C5orf24: variants seen among roughly 807,000 people sequenced by gnomAD.
C5orf24 encodes the protein UPF0461 protein C5orf24.
Under a neutral mutation model 9.8 loss-of-function variants are expected in C5orf24, and 4 were observed. That is an observed-to-expected ratio of 0.41 (90% confidence interval 0.20 to 0.93). The LOEUF (loss-of-function observed/expected upper bound fraction) is 0.93, where lower values mean the gene tolerates loss of function less well. Among genes scored for constraint, C5orf24 ranks in the 40% least tolerant of loss-of-function variants. The pLI is 0.33. For missense variants in C5orf24, 170 were observed against 236.9 expected, an observed-to-expected ratio of 0.72 and a Z score of 1.85; for synonymous variants, 73 against 81.3, an observed-to-expected ratio of 0.90 and a Z score of 0.55.
chr5:134,850,371 TC>T (rs1482630332), intron 1 of C5orf24, among the ~76,000 whole-genome samples: 1 of 151,980 alleles, frequency 6.6e-6, no homozygotes, highest in African/African-American at 2.4e-5. Flanking sequence ...GGTCTCAAAC[TC>T]CCGACCTCAG....
At chr5:134,834,625 A>G in the C5orf24 span, among the ~76,000 whole-genome samples, 8 of 152,100 alleles carry the variant, frequency 5.3e-5, no homozygotes, top group Admixed American at 5.2e-4. Context: ...GCTCCTGAAA[A>G]TGTGTCTGGG....
intron 1 of C5orf24, among the ~76,000 whole-genome samples, chr5:134,847,541 T>A (rs879449209): frequency 6.6e-6 from 1 of 152,122 alleles, no homozygotes; most frequent in Admixed American, 6.5e-5. Context: ...TGATCCACCC[T>A]TCTCAACCTC....
At chr5:134,854,854 TTG>T (rs1561888030) in intron 1 of C5orf24, 42 bp from the exon 2 acceptor site, 13 of 1,574,284 alleles carry the variant, frequency 8.3e-6, no homozygotes, top group South Asian at 2.2e-5. Context: ...AGGTATGTAT[TTG>T]TGTGTGTGTA....
Position 134,854,766 on chromosome 5 carries a change from TCCTG to T in C5orf24, c.-3-127_-3-124del. On this transcript the variant is annotated intron_variant, in intron 1 of 1. Coordinates refer to ENST00000394976, the MANE Select transcript of C5orf24 (RefSeq NM_001135586.1). ...GTGTTTGTTTATAAGTGGTCTGGAGTCCTGCCTGTTAGCCTAATTTTATGTAGCC... is the reference window on the plus strand; with the variant it reads ...GTGTTTGTTTATAAGTGGTCTGGAGTCCTGTTAGCCTAATTTTATGTAGCC... 3 of 861,702 alleles carry T rather than the reference TCCTG, an allele frequency of 3.5e-6. No homozygotes were observed. The South Asian group carries it at 5.0e-5, about 14-fold the overall frequency. 53.4% of individuals were successfully genotyped at this position (861,702 alleles called of 1,614,324 possible). A position where few individuals can be genotyped will look rare whatever the true frequency, so the allele number is the denominator to read the frequency against.
chr5:134,853,472 A>G (rs1424027800), intron 1 of C5orf24, among the ~76,000 whole-genome samples: 2 of 150,238 alleles, frequency 1.3e-5, no homozygotes, highest in Non-Finnish European at 3.0e-5. Context: ...AAAAAAAAAA[A>G]TCACAGGGAT....
At position 134,858,418 on chromosome 5, in the gene C5orf24, A is replaced by G. The variant is rs905754679; in HGVS notation, c.*2951A>G. 5.4e-5 allele frequency: 9 copies of G among 166,866 alleles called. No homozygotes were observed. The highest frequency in any genetic ancestry group is 1.2e-4 in the African/African-American group (5 of 41,464). 10.3% of individuals were successfully genotyped at this position (166,866 alleles called of 1,614,324 possible). ...AACACTGTCTCTTGTTATGATAAAC[A>G]CTGAAATAGCATGTTAAACAGTTGC... On this transcript the variant is annotated 3_prime_UTR_variant, in exon 2 of 2. Coordinates refer to ENST00000394976, the MANE Select transcript of C5orf24 (RefSeq NM_001135586.1).
the C5orf24 span, among the ~76,000 whole-genome samples, chr5:134,840,222 G>T: frequency 1.3e-5 from 2 of 148,232 alleles, no homozygotes; most frequent in Admixed American, 6.9e-5. Context: ...CAGGGGAATC[G>T]CTTGAACCCG....
chr5:134,858,656 C>A lies in C5orf24; in HGVS notation c.*3189C>A, dbSNP rs1756372816. ...TTTCTTTAAAAAGTACTTTAACATG[C>A]CTTATTTATTATATTAGCAAATGAG... On this transcript the variant is annotated 3_prime_UTR_variant, in exon 2 of 2. Transcript: ENST00000394976. The A allele has an allele frequency of 6.0e-6, 1 of 166,754 alleles. No individual in the cohort carries two copies. The highest frequency in any genetic ancestry group is 1.5e-5 in the Non-Finnish European group (1 of 68,056). 10.3% of individuals were successfully genotyped at this position (166,754 alleles called of 1,614,324 possible). A position where few individuals can be genotyped will look rare whatever the true frequency, so the allele number is the denominator to read the frequency against.
chr5:134,850,937 T>TATACACAC (rs762710710), intron 1 of C5orf24, among the ~76,000 whole-genome samples: 1 of 147,052 alleles, frequency 6.8e-6, no homozygotes, highest in Non-Finnish European at 1.5e-5. Flanking sequence ...TATATATATA[T>TATACACAC]ACACACACAC....
At chr5:134,846,284 C>T (rs1755990937) in intron 1 of C5orf24, 72 bp downstream of exon 1, 1 of 152,474 alleles carries the variant, frequency 6.6e-6, no homozygotes, top group African/African-American at 2.4e-5. Flanking sequence ...GGGCGCCTCG[C>T]TGACCGGGGA....
upstream of C5orf24, among the ~76,000 whole-genome samples, chr5:134,844,440 T>C (rs1216204012): frequency 1.3e-5 from 2 of 151,882 alleles, no homozygotes; most frequent in Non-Finnish European, 2.9e-5. Context: ...CTTCCTCCTA[T>C]CTCAGTCCTT....
intron 1 of C5orf24, among the ~76,000 whole-genome samples, chr5:134,850,919 C>CATATAT (rs201093286): frequency 0.01 from 1,463 of 140,454 alleles, 31 homozygotes; most frequent in African/African-American, 0.035. Context: ...TATGAATGTT[C>CATATAT]ATATATATAT....
chr5:134,836,168 C>CTTTTTTT, the C5orf24 span, among the ~76,000 whole-genome samples: 14 of 86,474 alleles, frequency 1.6e-4, no homozygotes, highest in Non-Finnish European at 2.4e-4. Context: ...CATTGAGAAG[C>CTTTTTTT]TTTTTTTTTT....
At chr5:134,840,305 C>CAAAAAAAA in the C5orf24 span, among the ~76,000 whole-genome samples, 3 of 53,390 alleles carry the variant, frequency 5.6e-5, no homozygotes, top group Non-Finnish European at 7.3e-5. Flanking sequence ...GACTGCATCT[C>CAAAAAAAA]AAAAAAAAAA....
chr5:134,856,280 A>C lies in C5orf24; in HGVS notation c.*813A>C, dbSNP rs756880120. 1.0e-4 allele frequency: 99 copies of C among 994,616 alleles called. No homozygotes were observed. The highest frequency in any genetic ancestry group is 1.2e-4 in the Non-Finnish European group (96 of 825,108). The allele number at this position is 994,616 out of a possible 1,614,324, so 61.6% of individuals were successfully genotyped here. On this transcript the variant is annotated 3_prime_UTR_variant, in exon 2 of 2. Transcript: ENST00000394976. ...TATTTCATATAATAGAAAAAGAAGC[A>C]TTCTCTAGGTTTGCATGTAGCTATA...
At chr5:134,835,520 G>A in the C5orf24 span, among the ~76,000 whole-genome samples, 2 of 151,632 alleles carry the variant, frequency 1.3e-5, no homozygotes, top group African/African-American at 2.4e-5. Flanking sequence ...GGTGGCATAC[G>A]CCTATAATCC....
chr5:134,833,642 G>T, the C5orf24 span: 4 of 152,132 alleles, frequency 2.6e-5, no homozygotes, highest in Admixed American at 6.6e-5. Flanking sequence ...TCCCTGATAT[G>T]TTGACTGTTA....
At chr5:134,834,744 C>T in the C5orf24 span, among the ~76,000 whole-genome samples, 2 of 152,038 alleles carry the variant, frequency 1.3e-5, no homozygotes, top group South Asian at 4.2e-4. Flanking sequence ...TGGTGCAACT[C>T]TGTCTCTATC....
chr5:134,852,983 G>A (rs557645801), intron 1 of C5orf24, among the ~76,000 whole-genome samples: 2 of 152,262 alleles, frequency 1.3e-5, no homozygotes, highest in Middle Eastern at 6.8e-3. Context: ...GGCTAACACG[G>A]TGAAACCCCA....
Sources: allele counts gnomAD v4.1 joint callset (sites outside exome capture counted in the v4.1 genomes callset), GRCh38; gene constraint gnomAD v4.1.1; transcripts MANE v1.5; gene names NCBI Gene and HGNC (gene_info 2026-07-23, HGNC 2026-07-21).